PTPN22: variants seen among roughly 807,000 people sequenced by gnomAD.
The protein encoded by PTPN22 is protein tyrosine phosphatase non-receptor type 22, also known as tyrosine-protein phosphatase non-receptor type 22.
Under a neutral mutation model 103.3 loss-of-function variants are expected in PTPN22, and 85 were observed. The observed-to-expected ratio is 0.82, with a 90% CI of 0.69 to 0.99. The LOEUF is 0.99. Among genes scored for constraint, PTPN22 ranks in the 50% least tolerant of loss-of-function variants. The pLI is 0.00. For missense variants in PTPN22, 865 were observed against 936.9 expected, an observed-to-expected ratio of 0.92 and a Z score of 1.00; for synonymous variants, 323 against 310.2, an observed-to-expected ratio of 1.04 and a Z score of -0.43.
intron 1 of PTPN22, among the ~76,000 whole-genome samples, chr1:113,862,433 A>G (rs986181361): frequency 1.3e-5 from 2 of 152,190 alleles, no homozygotes; most frequent in African/African-American, 4.8e-5. Context: ...TTTGTAGATG[A>G]TACTACCCCT....
At chr1:113,870,175 G>T (rs1283000708) in intron 1 of PTPN22, among the ~76,000 whole-genome samples, 4 of 152,098 alleles carry the variant, frequency 2.6e-5, no homozygotes, top group African/African-American at 9.7e-5. Context: ...TTTAATGATT[G>T]TTATTGATAT....
intron 19 of PTPN22, among the ~76,000 whole-genome samples, chr1:113,821,858 C>G (rs1178014485): frequency 6.6e-6 from 1 of 152,128 alleles, no homozygotes; most frequent in Non-Finnish European, 1.5e-5. Flanking sequence ...TGGACAGTGT[C>G]CACATGTAAT....
intron 20 of PTPN22, among the ~76,000 whole-genome samples, chr1:113,816,764 C>G (rs1661185108): frequency 1.3e-5 from 2 of 152,090 alleles, no homozygotes; most frequent in East Asian, 3.9e-4. Flanking sequence ...CAAAAATTAG[C>G]TGGGCATGGT....
At chr1:113,858,385 T>A in intron 4 of PTPN22, 93 bp downstream of exon 4, 2 of 813,794 alleles carry the variant, frequency 2.5e-6, no homozygotes, top group Non-Finnish European at 3.8e-6. Context: ...GACTAAAAGA[T>A]GCCTGAACCC....
At chr1:113,853,547 A>C (rs893970306) in intron 9 of PTPN22, among the ~76,000 whole-genome samples, 4 of 144,734 alleles carry the variant, frequency 2.8e-5, no homozygotes, top group African/African-American at 1.0e-4. Flanking sequence ...ACAGGGTTTC[A>C]CCATGTTGGT....
intron 18 of PTPN22, among the ~76,000 whole-genome samples, chr1:113,827,453 G>A (rs1662183994): frequency 6.6e-6 from 1 of 151,646 alleles, no homozygotes; most frequent in African/African-American, 2.4e-5. Context: ...CTTTTTTTAA[G>A]TAAAAGTTAA....
exon 13 of PTPN22, chr1:113,838,380 G>T: frequency 6.3e-7 from 1 of 1,592,068 alleles, no homozygotes; most frequent in South Asian, 1.1e-5. Flanking sequence ...TCCTTTGTTG[G>T]TTCATCATTT....
chr1:113,821,146 C>T (rs1041571785), intron 19 of PTPN22, among the ~76,000 whole-genome samples: 19 of 152,062 alleles, frequency 1.2e-4, no homozygotes, highest in Non-Finnish European at 2.9e-5. Context: ...AATCTGTATA[C>T]TGCATAGGAG....
In PTPN22 at chr1:113,855,066, G is replaced by C. The variant is rs373903548; in HGVS notation, c.541-17C>G. The C allele has an allele frequency of 2.8e-5, 45 of 1,598,478 alleles. No homozygotes were observed. Among genetic ancestry groups the C allele is most frequent in the Non-Finnish European group, 3.8e-5 (44 of 1,166,590 alleles). ...TCGAGTTTCCTATAAAAAGTAGCCA[G>C]ATGGGAGGGGAAGAGGGGCAAGGGC... On this transcript the variant is annotated splice_polypyrimidine_tract_variant and intron_variant, in intron 7 of 20. Coordinates refer to ENST00000359785, the Ensembl canonical transcript of PTPN22.
intron 20 of PTPN22, chr1:113,815,476 A>G (rs1661072385): frequency 1.3e-5 from 2 of 152,374 alleles, no homozygotes; most frequent in African/African-American, 4.8e-5. Flanking sequence ...TAAGTAGGTA[A>G]GTAAACATTA....
At chr1:113,865,159 C>T (rs1000069243) in intron 1 of PTPN22, among the ~76,000 whole-genome samples, 1 of 152,158 alleles carries the variant, frequency 6.6e-6, no homozygotes, top group African/African-American at 2.4e-5. Context: ...GTCTGGAACA[C>T]AGTTCTATGG....
In PTPN22 at chr1:113,824,966, C is replaced by CAAAAAA. The variant is rs35424386; in HGVS notation, c.2281+170_2281+175dup. 5.5e-4 allele frequency among the ~76,000 whole-genome samples: 36 copies of CAAAAAA among 65,060 alleles called. 1 individual carries two copies. The highest frequency in any genetic ancestry group is 7.8e-4 in the Non-Finnish European group (26 of 33,512). 42.7% of individuals were successfully genotyped at this position (65,060 alleles called of 152,430 possible). A position where few individuals can be genotyped will look rare whatever the true frequency, so the allele number is the denominator to read the frequency against. ...CCAATATTAGTATTGTGAAGCCTAG[C>CAAAAAA]AAAAAAAAAAAAAAAAAAAAAAGGA... On this transcript the variant is annotated intron_variant, in intron 19 of 20. Transcript: ENST00000359785.
intron 18 of PTPN22, chr1:113,829,041 GA>G (rs1470445054): frequency 1.3e-5 from 2 of 151,772 alleles, no homozygotes; most frequent in Non-Finnish European, 2.9e-5. Context: ...AATTATTTTA[GA>G]AAGACATTTA....
At chr1:113,838,688 GA>G (rs1663246920) in intron 11 of PTPN22, 68 bp from the exon 12 acceptor site, 1 of 1,539,186 alleles carries the variant, frequency 6.5e-7, no homozygotes, top group Non-Finnish European at 8.7e-7. Context: ...TTAATATTTA[GA>G]AGGCTGAAAA....
intron 1 of PTPN22, among the ~76,000 whole-genome samples, chr1:113,868,981 T>C (rs916757190): frequency 1.6e-4 from 24 of 152,108 alleles, no homozygotes; most frequent in African/African-American, 5.8e-4. Flanking sequence ...CCTAGTACTT[T>C]GGGAGGCTGA....
intron 11 of PTPN22, among the ~76,000 whole-genome samples, chr1:113,842,220 A>C (rs1663616339): frequency 6.6e-6 from 1 of 152,054 alleles, no homozygotes; most frequent in African/African-American, 2.4e-5. Context: ...AAAAAAAAGT[A>C]GGGGTGGGTG....
chr1:113,831,721 C>A lies in PTPN22; in HGVS notation c.2053+1390G>T, dbSNP rs552760225. 2.7e-3 allele frequency among the ~76,000 whole-genome samples: 411 copies of A among 152,296 alleles called. 3 individuals are homozygous for A. Among genetic ancestry groups the A allele is most frequent in the Non-Finnish European group, 3.7e-3 (251 of 68,026 alleles). ...AAGTTCTTTCTTCCACTCAGCGAAA[C>A]CTTTCCTAACCACTCCAGTAATGCC... On this transcript the variant is annotated intron_variant, in intron 16 of 20. Transcript: ENST00000359785.
At chr1:113,824,803 A>C (rs1361769951) in intron 19 of PTPN22, among the ~76,000 whole-genome samples, 2 of 152,112 alleles carry the variant, frequency 1.3e-5, no homozygotes. Context: ...GTTCGAGACC[A>C]ACCTGGGCAA....
At chr1:113,834,653 G>A (rs1662823386) in intron 14 of PTPN22, among the ~76,000 whole-genome samples, 1 of 151,894 alleles carries the variant, frequency 6.6e-6, no homozygotes, top group Non-Finnish European at 1.5e-5. Context: ...CCAACTCCTG[G>A]GCTCAAGTGA....
Sources: gnomAD v4.1 joint callset for allele counts (sites outside exome capture counted in the v4.1 genomes callset) on GRCh38, gnomAD v4.1.1 for gene constraint, MANE v1.5 for transcripts, NCBI Gene and HGNC (gene_info 2026-07-23, HGNC 2026-07-21) for gene names.